The following GNG7 variants were observed in gnomAD, a reference collection of about 807,000 sequenced individuals.
The protein encoded by GNG7 is guanine nucleotide-binding protein G(I)/G(S)/G(O) subunit gamma-7.
A neutral mutation model predicts 4.0 loss-of-function variants in GNG7; 1 was observed. The ratio of observed to expected loss-of-function variants is 0.25; its 90% confidence interval spans 0.09 to 1.18. The LOEUF (loss-of-function observed/expected upper bound fraction) is 1.18, where lower values mean the gene tolerates loss of function less well. Among genes scored for constraint, GNG7 ranks in the 50% most tolerant of loss-of-function variants. The pLI is 0.50. For synonymous variants in GNG7, 34 were observed against 36.9 expected (o/e 0.92, Z 0.29); for missense variants, 86 against 91.9 (o/e 0.94, Z 0.26).
intron 2 of GNG7, chr19:2,643,837 G>A: frequency 2.8e-6 from 1 of 359,058 alleles, no homozygotes; most frequent in Non-Finnish European, 5.5e-6. Context: ...CGCTGTCATC[G>A]ACTCCCAGAG....
chr19:2,541,808 G>A (rs955211504), intron 3 of GNG7, among the ~76,000 whole-genome samples: 2 of 151,854 alleles, frequency 1.3e-5, no homozygotes, highest in Non-Finnish European at 2.9e-5. Flanking sequence ...CAGCTACTCC[G>A]GGAGGCTGAG....
chr19:2,674,591 A>G (rs1983547841), intron 1 of GNG7, among the ~76,000 whole-genome samples: 1 of 152,068 alleles, frequency 6.6e-6, no homozygotes, highest in African/African-American at 2.4e-5. Flanking sequence ...GCCCACAACC[A>G]TGCCCGGCTA....
chr19:2,691,910 G>A (rs1049331940), intron 1 of GNG7, among the ~76,000 whole-genome samples: 130 of 151,798 alleles, frequency 8.6e-4, no homozygotes, highest in Non-Finnish European at 1.4e-3. Context: ...ACGGACACCC[G>A]GGGAGAAGGC....
intron 2 of GNG7, among the ~76,000 whole-genome samples, chr19:2,566,747 G>A (rs1979921861): frequency 6.6e-6 from 1 of 152,160 alleles, no homozygotes; most frequent in South Asian, 2.1e-4. Flanking sequence ...AGGCAGGAGA[G>A]GCTGCTGTGG....
At chr19:2,539,887 T>TCCTG (rs1555692009) in intron 3 of GNG7, among the ~76,000 whole-genome samples, 5 of 133,510 alleles carry the variant, frequency 3.7e-5, no homozygotes, top group African/African-American at 1.1e-4. Flanking sequence ...TCCCTCTCCT[T>TCCTG]CCTTCCTTCC....
intron 1 of GNG7, among the ~76,000 whole-genome samples, chr19:2,670,084 C>T (rs1983412722): frequency 1.3e-5 from 2 of 151,964 alleles, no homozygotes; most frequent in Admixed American, 6.6e-5. Flanking sequence ...AGCCCTACAT[C>T]ATTACTTCAA....
chr19:2,558,386 G>A (rs1399073860), intron 2 of GNG7, among the ~76,000 whole-genome samples: 4 of 151,206 alleles, frequency 2.6e-5, no homozygotes, highest in Admixed American at 6.6e-5. Flanking sequence ...ACAGCCACAT[G>A]CCACCACACC....
intron 2 of GNG7, among the ~76,000 whole-genome samples, chr19:2,594,253 GT>G (rs1426368685): frequency 2.0e-5 from 3 of 152,094 alleles, no homozygotes; most frequent in Admixed American, 6.6e-5. Context: ...GGCACCTGTA[GT>G]CCCAGCTACT....
chr19:2,519,146 C>CTTTTTT (rs71178282), intron 4 of GNG7, among the ~76,000 whole-genome samples: 12 of 84,526 alleles, frequency 1.4e-4, no homozygotes, highest in Non-Finnish European at 2.0e-4. Context: ...TTTCTTGTTT[C>CTTTTTT]TTTTTTTTTT....
In GNG7 at chr19:2,513,482, C is replaced by T. The variant is rs1972684636; in HGVS notation, c.*1540G>A. The T allele has an allele frequency of 1.0e-6, 1 of 983,696 alleles. No homozygotes were observed. The highest frequency in any genetic ancestry group is 1.2e-6 in the Non-Finnish European group (1 of 828,342). The allele number at this position is 983,696 out of a possible 1,614,324, so 60.9% of individuals were successfully genotyped here. A position where few individuals can be genotyped will look rare whatever the true frequency, so the allele number is the denominator to read the frequency against. On this transcript the variant is annotated 3_prime_UTR_variant, in exon 5 of 5. Transcript: ENST00000382159. ...TGGCTGCACCTGCTCCCGTCCGTGC[C>T]GCAGAGGAGGACGCAGTCATCTTTC... is the stretch of plus-strand genomic sequence containing the variant.
chr19:2,521,091 T>TA (rs5826770), intron 3 of GNG7, among the ~76,000 whole-genome samples: 72 of 141,604 alleles, frequency 5.1e-4, no homozygotes, highest in Non-Finnish European at 8.7e-4. Context: ...TCATCGTTAC[T>TA]AAAAAAAAAA....
rs975476540 is a variant in GNG7 at position 2,546,440 on chromosome 19, G to A, written c.-38+8709C>T. Among the ~76,000 whole-genome samples the A allele has an allele frequency of 6.6e-6, 1 of 152,240 alleles. No homozygotes were observed. Among genetic ancestry groups the A allele is most frequent in the African/African-American group, 2.4e-5 (1 of 41,468 alleles). ...GGCCGTGGGGCCCAGGGCTGCGGGCGGGAGGGCCTCTGCCACATGGAAGGG... is the reference window on the plus strand; with the variant it reads ...GGCCGTGGGGCCCAGGGCTGCGGGCAGGAGGGCCTCTGCCACATGGAAGGG... On this transcript the variant is annotated intron_variant, in intron 3 of 4. Transcript: ENST00000382159. This position sits in a 1 kb window ranked among gnomAD's most constrained non-coding sequence, Gnocchi z 6.3.
rs1978715493 is a variant in GNG7 at position 2,535,735 on chromosome 19, T to TC, written c.-37-15011dup. On this transcript the variant is annotated intron_variant, in intron 3 of 4. Coordinates refer to ENST00000382159, the MANE Select transcript of GNG7 (RefSeq NM_052847.3). ...GCTTCTAGCACCAGGTGACCTTGAC[T>TC]CGGAATTCCTAGAACACGGTACACT... Among the ~76,000 whole-genome samples, 3 of 152,292 alleles carry TC rather than the reference T, an allele frequency of 2.0e-5. No individual in the cohort carries two copies. In the South Asian group the frequency reaches 6.2e-4, roughly 32 times the overall value.
chr19:2,695,112 G>T (rs1913214815), intron 1 of GNG7, among the ~76,000 whole-genome samples: 1 of 152,034 alleles, frequency 6.6e-6, no homozygotes, highest in Non-Finnish European at 1.5e-5. Flanking sequence ...GGAGTTTGAG[G>T]CTGCAGTGAG....
At position 2,626,315 on chromosome 19, in the gene GNG7, A is replaced by G. The variant is rs1179455645; in HGVS notation, c.-78+19909T>C. Among the ~76,000 whole-genome samples, 1 of 152,008 alleles carries G rather than the reference A, an allele frequency of 6.6e-6. No homozygotes were observed. Among genetic ancestry groups the G allele is most frequent in the African/African-American group, 2.4e-5 (1 of 41,372 alleles). On this transcript the variant is annotated intron_variant, in intron 2 of 4. Transcript: ENST00000382159. This position sits in a 1 kb window ranked among gnomAD's most constrained non-coding sequence, Gnocchi z 5.0. ...AAACCCACCGGGATCTCTGCCACCC[A>G]CAGGAGGCTGGGGCATCTCTCACCC...
At chr19:2,589,683 G>C (rs897664299) in intron 2 of GNG7, among the ~76,000 whole-genome samples, 1 of 152,106 alleles carries the variant, frequency 6.6e-6, no homozygotes, top group Non-Finnish European at 1.5e-5. Flanking sequence ...GGCCCTGCGC[G>C]TAGGGGGTTG....
chr19:2,556,515 G>C (rs888026676), intron 2 of GNG7, among the ~76,000 whole-genome samples: 10 of 152,084 alleles, frequency 6.6e-5, no homozygotes, highest in Admixed American at 4.6e-4. Context: ...TTTTTCCACC[G>C]ACACAAAGAA....
At chr19:2,568,812 A>G (rs928617954) in intron 2 of GNG7, among the ~76,000 whole-genome samples, 2 of 152,128 alleles carry the variant, frequency 1.3e-5, no homozygotes, top group African/African-American at 2.4e-5. Flanking sequence ...ATATATACAC[A>G]CACATATACA....
In GNG7 at chr19:2,511,820, T is replaced by G; in HGVS notation, c.*3202A>C. 2.0e-6 allele frequency: 2 copies of G among 986,258 alleles called. No individual in the cohort carries two copies. The highest frequency in any genetic ancestry group is 2.4e-6 in the Non-Finnish European group (2 of 830,212). The allele number at this position is 986,258 out of a possible 1,614,324, so 61.1% of individuals were successfully genotyped here. A position where few individuals can be genotyped will look rare whatever the true frequency, so the allele number is the denominator to read the frequency against. Reference sequence around the variant, plus strand: ...CAGAGGCCAGAGGTCGCAGCTGAGCTATCTGTGCTTGGCCTGGGGTTACCC... The same window carrying G: ...CAGAGGCCAGAGGTCGCAGCTGAGCGATCTGTGCTTGGCCTGGGGTTACCC... On this transcript the variant is annotated 3_prime_UTR_variant, in exon 5 of 5. Transcript: ENST00000382159. This position sits in a 1 kb window ranked among gnomAD's most constrained non-coding sequence, Gnocchi z 6.3.
Sources: allele counts gnomAD v4.1 joint callset (sites outside exome capture counted in the v4.1 genomes callset), GRCh38; gene constraint gnomAD v4.1.1; non-coding constraint Gnocchi (gnomAD v3.1); transcripts MANE v1.5; gene names NCBI Gene and HGNC (gene_info 2026-07-23, HGNC 2026-07-21).